Variants in GLIS3 observed in about 807,000 individuals in gnomAD.
The protein encoded by GLIS3 is zinc finger protein GLIS3.
A neutral mutation model predicts 78.6 loss-of-function variants in GLIS3; 53 were observed. That is an observed-to-expected ratio of 0.67 (90% CI 0.54 to 0.85). GLIS3 has a LOEUF of 0.85. GLIS3 is among the 40% of genes least tolerant of loss of function. The pLI, the probability that GLIS3 is intolerant of heterozygous loss-of-function variation, is 0.00. For missense variants in GLIS3, 1,703 were observed against 1,231.1 expected (o/e 1.38, Z -5.74); for synonymous variants, 684 against 509.9 (o/e 1.34, Z -4.60).
chr9:3,962,611 T>C (rs992241236), intron 4 of GLIS3, among the ~76,000 whole-genome samples: 1 of 152,216 alleles, frequency 6.6e-6, no homozygotes, highest in Non-Finnish European at 1.5e-5. Flanking sequence ...TTGTCACTGA[T>C]GTCATGCCTT....
intron 9 of GLIS3, 194 bp downstream of exon 9, chr9:3,855,815 C>G (rs1478217551): frequency 1.5e-6 from 1 of 647,722 alleles, no homozygotes; most frequent in Non-Finnish European, 2.8e-6. Context: ...ATAAATCATA[C>G]CATCATCAGG....
At chr9:3,881,096 C>A (rs1821699044) in intron 7 of GLIS3, among the ~76,000 whole-genome samples, 1 of 152,162 alleles carries the variant, frequency 6.6e-6, no homozygotes, top group Non-Finnish European at 1.5e-5. Context: ...GCTCAGGGAA[C>A]CACAATTCTG....
the GLIS3 span, among the ~76,000 whole-genome samples, chr9:4,483,076 G>A: frequency 2.0e-5 from 3 of 152,122 alleles, no homozygotes; most frequent in Admixed American, 6.5e-5. Context: ...CTCAACTTTT[G>A]TTCAATTTGA....
chr9:4,155,801 C>T (rs767939642), intron 2 of GLIS3, among the ~76,000 whole-genome samples: 3 of 152,078 alleles, frequency 2.0e-5, no homozygotes, highest in African/African-American at 4.8e-5. Flanking sequence ...AATGGGTGTA[C>T]GGTGGGACCT....
intron 4 of GLIS3, among the ~76,000 whole-genome samples, chr9:4,050,443 GT>G (rs1226063381): frequency 6.6e-6 from 1 of 152,056 alleles, no homozygotes; most frequent in Non-Finnish European, 1.5e-5. Context: ...ACCAGGGCCT[GT>G]TGGTGGGTGG....
At chr9:4,145,778 C>T (rs987199566) in intron 2 of GLIS3, among the ~76,000 whole-genome samples, 2 of 151,912 alleles carry the variant, frequency 1.3e-5, no homozygotes, top group Non-Finnish European at 2.9e-5. Context: ...CCCTTTCTCT[C>T]CCTCTCTCTC....
chr9:4,032,191 C>T (rs1247067092), intron 4 of GLIS3, among the ~76,000 whole-genome samples: 3 of 152,130 alleles, frequency 2.0e-5, no homozygotes, highest in African/African-American at 4.8e-5. Flanking sequence ...AAACCACAGA[C>T]GTTCACTACA....
the GLIS3 span, among the ~76,000 whole-genome samples, chr9:4,485,800 G>A: frequency 6.6e-6 from 1 of 150,694 alleles, no homozygotes; most frequent in Non-Finnish European, 1.5e-5. Context: ...AGCTCACTGC[G>A]ACCTCCGCCT....
At chr9:4,381,519 C>G in the GLIS3 span, among the ~76,000 whole-genome samples, 2 of 152,294 alleles carry the variant, frequency 1.3e-5, no homozygotes, top group East Asian at 3.9e-4. Flanking sequence ...TCACATAGTA[C>G]TCACAAAGCC....
At chr9:4,001,691 T>A (rs540462250) in intron 4 of GLIS3, among the ~76,000 whole-genome samples, 1 of 152,222 alleles carries the variant, frequency 6.6e-6, no homozygotes, top group Non-Finnish European at 1.5e-5. Context: ...AAGCAGTCAG[T>A]CATCATATCT....
At position 3,824,614 on chromosome 9, in the gene GLIS3, A is replaced by G. The variant is rs1027192407; in HGVS notation, c.*3658T>C. ...ACTGTGACAAATCACAAAACTATACATATTAATAGAAAAAAGTGTACCTAA... is the reference window on the plus strand; with the variant it reads ...ACTGTGACAAATCACAAAACTATACGTATTAATAGAAAAAAGTGTACCTAA... On this transcript the variant is annotated 3_prime_UTR_variant, in exon 11 of 11. Coordinates refer to ENST00000381971, the MANE Select transcript of GLIS3 (RefSeq NM_001042413.2). The G allele has an allele frequency of 6.6e-6, 1 of 152,610 alleles. No individual in the cohort carries two copies. The highest frequency in any genetic ancestry group is 1.5e-5 in the Non-Finnish European group (1 of 68,040). 9.5% of individuals were successfully genotyped at this position (152,610 alleles called of 1,614,324 possible).
intron 2 of GLIS3, among the ~76,000 whole-genome samples, chr9:4,331,805 A>G (rs1485379551): frequency 2.0e-5 from 3 of 152,216 alleles, no homozygotes; most frequent in African/African-American, 7.2e-5. Context: ...CTGGGTGGGA[A>G]GAGAGACATT....
chr9:4,270,646 G>A (rs1299077832), intron 2 of GLIS3, among the ~76,000 whole-genome samples: 1 of 152,142 alleles, frequency 6.6e-6, no homozygotes, highest in Admixed American at 6.5e-5. Context: ...AAACCAAGAA[G>A]ACAATACAGT....
intron 2 of GLIS3, among the ~76,000 whole-genome samples, chr9:4,259,437 T>C (rs1211991546): frequency 3.3e-5 from 5 of 152,102 alleles, no homozygotes; most frequent in Non-Finnish European, 5.9e-5. Context: ...CCTCATTTCA[T>C]AGGGAAGAAA....
rs551776236 is a variant in GLIS3 at position 4,264,890 on chromosome 9, G to A, written c.388+21148C>T. Among the ~76,000 whole-genome samples the A allele has an allele frequency of 3.1e-3, 469 of 152,224 alleles. 2 individuals carry two copies. Among genetic ancestry groups the A allele is most frequent in the African/African-American group, 0.011 (442 of 41,526 alleles). ...TCAGTGAAATAACAATCTTCGGCCA[G>A]GCACAGTGGCTCACGCCTGTAATCC... On this transcript the variant is annotated intron_variant, in intron 2 of 10. Coordinates refer to ENST00000381971, the MANE Select transcript of GLIS3 (RefSeq NM_001042413.2).
chr9:3,874,247 A>T (rs1821155373), intron 8 of GLIS3, among the ~76,000 whole-genome samples: 1 of 152,210 alleles, frequency 6.6e-6, no homozygotes, highest in Non-Finnish European at 1.5e-5. Flanking sequence ...GATGTAATCA[A>T]TCACGCCTAT....
chr9:4,408,454 G>A, the GLIS3 span, among the ~76,000 whole-genome samples: 24 of 151,608 alleles, frequency 1.6e-4, no homozygotes, highest in African/African-American at 5.6e-4. Context: ...AATAGGCCGG[G>A]CACCTTGGCT....
chr9:4,358,483 T>C, the GLIS3 span, among the ~76,000 whole-genome samples: 1 of 152,206 alleles, frequency 6.6e-6, no homozygotes, highest in Admixed American at 6.5e-5. Context: ...TTGGTGGTGA[T>C]GTTAGGAGTG....
chr9:3,852,212 T>G (rs917248861), intron 9 of GLIS3, among the ~76,000 whole-genome samples: 1 of 152,194 alleles, frequency 6.6e-6, no homozygotes, highest in Non-Finnish European at 1.5e-5. Flanking sequence ...CTGCATAGTT[T>G]GCTAAGGTAG....
Sources: gnomAD v4.1 joint callset for allele counts (sites outside exome capture counted in the v4.1 genomes callset) on GRCh38, gnomAD v4.1.1 for gene constraint, MANE v1.5 for transcripts, NCBI Gene and HGNC (gene_info 2026-07-23, HGNC 2026-07-21) for gene names.